The following SPC24 variants were observed in gnomAD, a reference collection of about 807,000 sequenced individuals.
The protein encoded by SPC24 is kinetochore protein Spc24.
A neutral mutation model predicts 27.6 loss-of-function variants in SPC24; 31 were observed. The observed-to-expected ratio is 1.12, with a 90% CI of 0.84 to 1.52. The LOEUF is 1.52. SPC24 is among the 40% of genes most tolerant of loss of function. The pLI is 0.00. For synonymous variants in SPC24, 105 were observed against 105.8 expected (o/e 0.99, Z 0.05); for missense variants, 284 against 252.5 (o/e 1.12, Z -0.84).
intron 1 of SPC24, among the ~76,000 whole-genome samples, chr19:11,154,242 A>AATGG (rs2077894734): frequency 6.6e-6 from 1 of 152,022 alleles, no homozygotes; most frequent in Non-Finnish European, 1.5e-5. Context: ...TCAGCTTTAA[A>AATGG]ATGGACGGAA....
At chr19:11,151,637 T>A (rs2077872552) in intron 1 of SPC24, among the ~76,000 whole-genome samples, 1 of 150,412 alleles carries the variant, frequency 6.6e-6, no homozygotes, top group Admixed American at 6.7e-5. Context: ...GGGGATGGAG[T>A]CTTGCCCTGT....
chr19:11,147,587 C>G lies in SPC24; in HGVS notation c.487+231G>C, dbSNP rs1048753712. On this transcript the variant is annotated intron_variant, in intron 4 of 4. Transcript: ENST00000592540. ...GGGATTACAGGCGTGAGGTACCACA[C>G]TTGGCCTGCTATACTTTACTATATT... 2.2e-5 allele frequency: 13 copies of G among 581,342 alleles called. No individual in the cohort carries two copies. In the African/African-American group the frequency reaches 2.4e-4, roughly 11 times the overall value. The allele number at this position is 581,342 out of a possible 1,614,324, so 36.0% of individuals were successfully genotyped here. A position where few individuals can be genotyped will look rare whatever the true frequency, so the allele number is the denominator to read the frequency against.
rs1189716092 is a variant in SPC24 at position 11,145,785 on chromosome 19, C to T, written c.*1398G>A. ...AGGGTGTATTTGTCTTTTAAGAATC[C>T]TTCTAGAAGTGTCATGTAACATTTC... On this transcript the variant is annotated 3_prime_UTR_variant, in exon 5 of 5. Transcript: ENST00000592540. 6.6e-6 allele frequency: 1 copy of T among 152,212 alleles called. No individual in the cohort carries two copies. The highest frequency in any genetic ancestry group is 2.4e-5 in the African/African-American group (1 of 41,448). 9.4% of individuals were successfully genotyped at this position (152,212 alleles called of 1,614,324 possible).
rs963651810 is a variant in SPC24, at chr19:11,146,099, A to T, written c.*1084T>A. ...GGCACAAAAGTCGCTTCTGTCCTCC[A>T]TGAAGCCTGCACACTCTGGTGTGGC... On this transcript the variant is annotated 3_prime_UTR_variant, in exon 5 of 5. Coordinates refer to ENST00000592540, the MANE Select transcript of SPC24 (RefSeq NM_182513.4). The T allele has an allele frequency of 6.6e-6, 1 of 152,038 alleles. No individual in the cohort carries two copies. Among genetic ancestry groups the T allele is most frequent in the African/African-American group, 2.4e-5 (1 of 41,370 alleles). 9.4% of individuals were successfully genotyped at this position (152,038 alleles called of 1,614,324 possible). A position where few individuals can be genotyped will look rare whatever the true frequency, so the allele number is the denominator to read the frequency against.
chr19:11,151,162 C>CAAAAAAA (rs397859905), intron 1 of SPC24, among the ~76,000 whole-genome samples: 6 of 88,802 alleles, frequency 6.8e-5, no homozygotes, highest in African/African-American at 9.0e-5. Context: ...GACTCCGTCT[C>CAAAAAAA]AAAAAAAAAA....
At chr19:11,154,852 G>C (rs1407456941) in intron 1 of SPC24, among the ~76,000 whole-genome samples, 1 of 152,192 alleles carries the variant, frequency 6.6e-6, no homozygotes, top group Non-Finnish European at 1.5e-5. Flanking sequence ...TTGCACAGCA[G>C]TGTGAATGTG....
At chr19:11,153,392 T>C (rs1280143394) in intron 1 of SPC24, among the ~76,000 whole-genome samples, 3 of 150,830 alleles carry the variant, frequency 2.0e-5, no homozygotes, top group Non-Finnish European at 4.4e-5. Flanking sequence ...GAGCTCGCAG[T>C]GAGCCAAGAT....
rs71164155 is a variant in SPC24 at position 11,147,080 on chromosome 19, C to CAAAAAA, written c.*97_*102dup. 6 of 397,380 alleles carry CAAAAAA rather than the reference C, an allele frequency of 1.5e-5. No individual in the cohort carries two copies. Among genetic ancestry groups the CAAAAAA allele is most frequent in the South Asian group, 8.8e-5 (3 of 34,232 alleles). 24.6% of individuals were successfully genotyped at this position (397,380 alleles called of 1,614,324 possible). ...GGACAACAAGAGTGAAACTCTGTCTCAAAAAAAAAAAAAAAAAGATCTATG... is the reference window on the plus strand; with the variant it reads ...GGACAACAAGAGTGAAACTCTGTCTCAAAAAAAAAAAAAAAAAAAAAAAGATCTATG... On this transcript the variant is annotated 3_prime_UTR_variant, in exon 5 of 5. Coordinates refer to ENST00000592540, the MANE Select transcript of SPC24 (RefSeq NM_182513.4).
At chr19:11,151,753 G>C (rs1313809638) in intron 1 of SPC24, among the ~76,000 whole-genome samples, 1 of 151,644 alleles carries the variant, frequency 6.6e-6, no homozygotes, top group African/African-American at 2.4e-5. Flanking sequence ...GGGATTACAG[G>C]CACCCACCAC....
chr19:11,152,489 C>T (rs924243654), intron 1 of SPC24, among the ~76,000 whole-genome samples: 1 of 152,136 alleles, frequency 6.6e-6, no homozygotes. Context: ...AGATGAGAGG[C>T]GTGAGCCACC....
chr19:11,147,037 G>C lies in SPC24; in HGVS notation c.*146C>G. On this transcript the variant is annotated 3_prime_UTR_variant, in exon 5 of 5. Transcript: ENST00000592540. ...AGAGGTTGCTGTGAGCTGAGATTGTGCCATTGCACTCCAGACTGGACAACA... is the reference window on the plus strand; with the variant it reads ...AGAGGTTGCTGTGAGCTGAGATTGTCCCATTGCACTCCAGACTGGACAACA... 1 of 488,894 alleles carries C rather than the reference G, an allele frequency of 2.0e-6. No homozygotes were observed. 30.3% of individuals were successfully genotyped at this position (488,894 alleles called of 1,614,324 possible).
chr19:11,147,399 A>G (rs1341016427), intron 4 of SPC24, 110 bp from the exon 5 acceptor site: 5 of 720,202 alleles, frequency 6.9e-6, no homozygotes, highest in Non-Finnish European at 1.1e-5. Context: ...TTCATTCTGT[A>G]GGCCAGGCTG....
chr19:11,152,632 T>C (rs899013102), intron 1 of SPC24, among the ~76,000 whole-genome samples: 1 of 152,158 alleles, frequency 6.6e-6, no homozygotes, highest in Non-Finnish European at 1.5e-5. Flanking sequence ...CTGGATCTGT[T>C]TGACCCAAAG....
At chr19:11,155,557 C>T in intron 1 of SPC24, 60 bp downstream of exon 1, 9 of 1,499,714 alleles carry the variant, frequency 6.0e-6, no homozygotes, top group Non-Finnish European at 8.0e-6. Context: ...GGCCTGGTCG[C>T]CCCCTCCCAG....
chr19:11,147,709 C>G, intron 4 of SPC24, 109 bp downstream of exon 4: 8 of 1,005,662 alleles, frequency 8.0e-6, no homozygotes, highest in Non-Finnish European at 1.2e-5. Context: ...GCTGGGACAA[C>G]AGATGCACGC....
chr19:11,152,022 G>A (rs2077876444), intron 1 of SPC24, among the ~76,000 whole-genome samples: 1 of 151,798 alleles, frequency 6.6e-6, no homozygotes, highest in East Asian at 1.9e-4. Context: ...CCAGGTTCAA[G>A]CTATTCTCCT....
intron 4 of SPC24, 161 bp downstream of exon 4, chr19:11,147,657 C>T (rs1020983558): frequency 1.5e-6 from 1 of 660,294 alleles, no homozygotes; most frequent in African/African-American, 1.8e-5. Context: ...TGGTCTCAAA[C>T]TCCTGGCCTC....
At chr19:11,155,481 G>A (rs1374106815) in intron 1 of SPC24, 136 bp downstream of exon 1, 2 of 1,060,046 alleles carry the variant, frequency 1.9e-6, no homozygotes, top group Admixed American at 3.1e-5. Flanking sequence ...AAGGCTCAGA[G>A]GGGGCCGTCC....
chr19:11,152,857 G>T (rs898982183), intron 1 of SPC24, among the ~76,000 whole-genome samples: 12 of 151,882 alleles, frequency 7.9e-5, no homozygotes, highest in Non-Finnish European at 1.6e-4. Flanking sequence ...CACTCTCCAG[G>T]CCTGGCAGTC....
Sources: gnomAD v4.1 joint callset for allele counts (sites outside exome capture counted in the v4.1 genomes callset) on GRCh38, gnomAD v4.1.1 for gene constraint, MANE v1.5 for transcripts, NCBI Gene and HGNC (gene_info 2026-07-23, HGNC 2026-07-21) for gene names.